The following COL18A1 variants were observed in gnomAD, a reference collection of about 807,000 sequenced individuals.
COL18A1 encodes the protein collagen type XVIII alpha 1 chain.
A neutral mutation model predicts 168.0 loss-of-function variants in COL18A1; 133 were observed. That is an observed-to-expected ratio of 0.79 (90% CI 0.69 to 0.91). COL18A1 has a LOEUF of 0.91. Among genes scored for constraint, COL18A1 ranks in the 40% least tolerant of loss-of-function variants. The pLI is 0.00. For synonymous variants in COL18A1, 949 were observed against 809.0 expected (o/e 1.17, Z -2.94); for missense variants, 2,126 against 1,925.4 (o/e 1.10, Z -1.95).
chr21:45,482,257 T>C (rs1051295334), intron 14 of COL18A1: 2 of 631,062 alleles, frequency 3.2e-6, no homozygotes, highest in African/African-American at 1.8e-5. Context: ...TTTAAGAACA[T>C]GGGCACCCTG....
At chr21:45,467,902 A>G (rs1055261278) in intron 2 of COL18A1, among the ~76,000 whole-genome samples, 1 of 152,162 alleles carries the variant, frequency 6.6e-6, no homozygotes, top group African/African-American at 2.4e-5. Flanking sequence ...TGGAAGGGGA[A>G]GCCTGTGGAC....
chr21:45,437,662 A>T (rs1476085928), intron 2 of COL18A1, among the ~76,000 whole-genome samples: 5 of 67,982 alleles, frequency 7.4e-5, no homozygotes, highest in South Asian at 5.0e-4. Flanking sequence ...GCACACACAC[A>T]CACTCAGACA....
At chr21:45,414,837 C>T (rs987469870) in intron 2 of COL18A1, among the ~76,000 whole-genome samples, 2 of 152,160 alleles carry the variant, frequency 1.3e-5, no homozygotes, top group Admixed American at 6.5e-5. Flanking sequence ...GTGAGTATGG[C>T]CTGTGTGTGG....
intron 41 of COL18A1, among the ~76,000 whole-genome samples, chr21:45,511,499 G>T (rs575602216): frequency 6.6e-6 from 1 of 152,086 alleles, no homozygotes; most frequent in African/African-American, 2.4e-5. Flanking sequence ...CATGTCTCCC[G>T]GATGTCACCA....
rs1414941941 is a variant in COL18A1 at position 45,463,144 on chromosome 21, T to G, written c.107-5098T>G. ...GCCCTCTAAATCCCCTTCAAGTCAC[T>G]TCAGCTGGAAGGGGCAGCTTGCAAC... On this transcript the variant is annotated intron_variant, in intron 2 of 41. Coordinates refer to ENST00000651438, the MANE Select transcript of COL18A1 (RefSeq NM_001379500.1). The surrounding 1 kb of genome is among the most constrained non-coding windows in gnomAD (Gnocchi z 4.0). Among the ~76,000 whole-genome samples, 1 of 152,182 alleles carries G rather than the reference T, an allele frequency of 6.6e-6. No homozygotes were observed. The highest frequency in any genetic ancestry group is 1.5e-5 in the Non-Finnish European group (1 of 68,014).
In COL18A1 at chr21:45,453,393, G is replaced by A. The variant is rs150543434; in HGVS notation, c.107-14849G>A. 4.7e-3 allele frequency among the ~76,000 whole-genome samples: 713 copies of A among 152,328 alleles called. 27 individuals carry two copies. Among genetic ancestry groups the A allele is most frequent in the Admixed American group, 0.042 (641 of 15,306 alleles). The stretch of plus-strand genomic sequence containing the variant: ...CAGGAGTGAGCATACATATATGTGT[G>A]CATATGTGGGTGTTCGTGTGTGAGC... On this transcript the variant is annotated intron_variant, in intron 2 of 41. Coordinates refer to ENST00000651438, the MANE Select transcript of COL18A1 (RefSeq NM_001379500.1).
chr21:45,437,182 ACT>A (rs1374046765), intron 2 of COL18A1, among the ~76,000 whole-genome samples: 14 of 89,240 alleles, frequency 1.6e-4, no homozygotes, highest in East Asian at 3.3e-4. Context: ...CTGCACACAC[ACT>A]CACACAGACA....
chr21:45,498,210 G>GA lies in COL18A1; in HGVS notation c.2683+553dup. The GA allele has an allele frequency of 4.3e-6, 3 of 701,450 alleles. No individual in the cohort carries two copies. Among genetic ancestry groups the GA allele is most frequent in the Non-Finnish European group, 7.8e-6 (3 of 383,728 alleles). The allele number at this position is 701,450 out of a possible 1,614,324, so 43.5% of individuals were successfully genotyped here. A position where few individuals can be genotyped will look rare whatever the true frequency, so the allele number is the denominator to read the frequency against. On this transcript the variant is annotated intron_variant, in intron 32 of 41. Coordinates refer to ENST00000651438, the MANE Select transcript of COL18A1 (RefSeq NM_001379500.1). This position sits in a 1 kb window ranked among gnomAD's most constrained non-coding sequence, Gnocchi z 4.5. ...CTGAGAACAGCTGGATAAAATGTGA[G>GA]AAAACCACTGTTTGAGGATGTCTGG...
chr21:45,409,286 G>A (rs995561158), intron 2 of COL18A1, among the ~76,000 whole-genome samples: 12 of 152,226 alleles, frequency 7.9e-5, no homozygotes, highest in East Asian at 3.8e-4. Context: ...ATATTCCCTC[G>A]TATGGTGCTG....
At chr21:45,501,949 AG>A (rs1313532696) in intron 32 of COL18A1, among the ~76,000 whole-genome samples, 1 of 76,428 alleles carries the variant, frequency 1.3e-5, no homozygotes, top group African/African-American at 5.9e-5. Context: ...AAGGACCCTC[AG>A]GGGCCTCCGC....
Position 45,489,505 on chromosome 21 carries a change from G to A in COL18A1, c.1943G>A (p.Gly648Glu). Residue 648 changes from glycine to glutamate, a missense_variant, in exon 19 of 42, where the codon GGG (glycine) becomes GAG (glutamate). Coordinates refer to ENST00000651438, the MANE Select transcript of COL18A1 (RefSeq NM_001379500.1). ...ACTTAGGGGGATCCTGGCGTGCCTG[G>A]GCTGCCGGGGGCGAAGGTAAGCGCT... ...PGLKGDPGVP[G>E]LPGAKGEVGA... 1 of 1,603,304 alleles carries A rather than the reference G, an allele frequency of 6.2e-7. No individual in the cohort carries two copies. Among genetic ancestry groups the A allele is most frequent in the Non-Finnish European group, 8.5e-7 (1 of 1,174,962 alleles).
At chr21:45,486,802 G>A in intron 15 of COL18A1, 59 bp from the exon 16 acceptor site, 1 of 1,518,514 alleles carries the variant, frequency 6.6e-7, no homozygotes, top group African/African-American at 1.4e-5. Flanking sequence ...TCTACGCTGG[G>A]GTTGCAGGGC....
At chr21:45,510,031 G>T (rs1460859119) in intron 39 of COL18A1, 33 bp from the exon 40 acceptor site, 16 of 1,537,450 alleles carry the variant, frequency 1.0e-5, no homozygotes, top group Non-Finnish European at 1.3e-5. Context: ...GGCAGCGTGG[G>T]ACACAGCCCG....
intron 2 of COL18A1, among the ~76,000 whole-genome samples, chr21:45,434,298 G>A (rs1274822403): frequency 1.3e-5 from 2 of 152,184 alleles, no homozygotes; most frequent in African/African-American, 4.8e-5. Flanking sequence ...TCTGCCCTCG[G>A]GGACAGGCGG....
In COL18A1 at chr21:45,486,843, TCTC is replaced by T. The variant is rs2036130929; in HGVS notation, c.1702-14_1702-12del. On this transcript the variant is annotated splice_polypyrimidine_tract_variant and intron_variant, in intron 15 of 41. Transcript: ENST00000651438. ...GGGGCTGGGCTGGGTCCTGACACGC[TCTC>T]CTCACCCCACGCAGGGGAGCAAGGG... 1 of 1,526,262 alleles carries T rather than the reference TCTC, an allele frequency of 6.6e-7. No homozygotes were observed. The highest frequency in any genetic ancestry group is 1.9e-4 in the Middle Eastern group (1 of 5,158). The allele number at this position is 1,526,262 out of a possible 1,614,324, so 94.5% of individuals were successfully genotyped here.
chr21:45,497,243 T>G (rs1350957949), intron 31 of COL18A1, 151 bp downstream of exon 31: 1 of 702,236 alleles, frequency 1.4e-6, no homozygotes, highest in African/African-American at 1.7e-5. Flanking sequence ...CCGATGACCT[T>G]GGCCCTTCCT....
chr21:45,476,568 TG>T, intron 6 of COL18A1, 88 bp downstream of exon 6: 1 of 1,472,712 alleles, frequency 6.8e-7, no homozygotes, highest in Admixed American at 2.0e-5. Flanking sequence ...GGTATGTGTG[TG>T]ATGTATGGTG....
In COL18A1 at chr21:45,470,061, G is replaced by C. The variant is rs144742874; in HGVS notation, c.651+1275G>C. On this transcript the variant is annotated intron_variant, in intron 3 of 41. Transcript: ENST00000651438. ...TACATCTTTAACACTGTTAGGAAAA[G>C]CGGCTGAGTGCCGAGAGCTCGGTAC... Among the ~76,000 whole-genome samples, 398 of 152,378 alleles carry C rather than the reference G, an allele frequency of 2.6e-3. 1 individual carries two copies. The highest frequency in any genetic ancestry group is 4.0e-3 in the Non-Finnish European group (275 of 68,046).
chr21:45,415,608 C>T (rs984533328), intron 2 of COL18A1, among the ~76,000 whole-genome samples: 8 of 152,178 alleles, frequency 5.3e-5, no homozygotes, highest in South Asian at 2.1e-4. Flanking sequence ...GTGCGGCAGG[C>T]GGCCGGGGCA....
Sources: allele counts gnomAD v4.1 joint callset (sites outside exome capture counted in the v4.1 genomes callset), GRCh38; gene constraint gnomAD v4.1.1; non-coding constraint Gnocchi (gnomAD v3.1); transcripts MANE v1.5; gene names NCBI Gene and HGNC (gene_info 2026-07-23, HGNC 2026-07-21).